The following CAMKMT variants were observed in gnomAD, a reference collection of about 807,000 sequenced individuals.
CAMKMT encodes the protein CaM KMT.
CAMKMT carries 53 observed loss-of-function variants against 48.0 expected under a neutral mutation model. The observed-to-expected ratio is 1.10, with a 90% CI of 0.89 to 1.39. The LOEUF is 1.39. Ranked by LOEUF, CAMKMT falls within the 40% of genes most tolerant of loss-of-function variation. CAMKMT has a pLI of 0.00. For synonymous variants in CAMKMT, 165 were observed against 152.3 expected (o/e 1.08, Z -0.61); for missense variants, 428 against 402.7 (o/e 1.06, Z -0.54).
At chr2:44,546,216 C>A (rs17427776) in intron 3 of CAMKMT, among the ~76,000 whole-genome samples, 1 of 149,134 alleles carries the variant, frequency 6.7e-6, no homozygotes, top group East Asian at 2.0e-4. Context: ...CATGCACATA[C>A]CCCTATACCT....
chr2:44,506,341 G>C (rs1355974385), intron 3 of CAMKMT, among the ~76,000 whole-genome samples: 1 of 152,068 alleles, frequency 6.6e-6, no homozygotes, highest in Non-Finnish European at 1.5e-5. Flanking sequence ...ATTTCTATTG[G>C]AGAATTTTTC....
intron 3 of CAMKMT, among the ~76,000 whole-genome samples, chr2:44,658,473 C>G (rs1234636060): frequency 6.6e-6 from 1 of 152,158 alleles, no homozygotes; most frequent in Non-Finnish European, 1.5e-5. Context: ...CAGTTGCATG[C>G]TGACCCTCTG....
At chr2:44,432,079 C>T (rs1048553756) in intron 3 of CAMKMT, among the ~76,000 whole-genome samples, 2 of 152,134 alleles carry the variant, frequency 1.3e-5, no homozygotes, top group Admixed American at 6.5e-5. Context: ...AACTTCTTGG[C>T]TGGTTTAGTC....
intron 3 of CAMKMT, among the ~76,000 whole-genome samples, chr2:44,437,621 T>C (rs529787045): frequency 1.3e-5 from 2 of 152,190 alleles, no homozygotes; most frequent in South Asian, 2.1e-4. Flanking sequence ...GCTGAGGTGG[T>C]TGGATCATTT....
chr2:44,469,775 T>C (rs1668320596), intron 3 of CAMKMT, among the ~76,000 whole-genome samples: 1 of 152,110 alleles, frequency 6.6e-6, no homozygotes, highest in Non-Finnish European at 1.5e-5. Context: ...TTATTTTGTC[T>C]TTAATTGTAT....
At chr2:44,611,787 CA>C (rs1176007247) in intron 3 of CAMKMT, among the ~76,000 whole-genome samples, 1 of 151,764 alleles carries the variant, frequency 6.6e-6, no homozygotes, top group Non-Finnish European at 1.5e-5. Context: ...AGGAAGCTTC[CA>C]ATCATGGTGG....
intron 3 of CAMKMT, among the ~76,000 whole-genome samples, chr2:44,635,833 G>A (rs1481904302): frequency 2.0e-5 from 3 of 152,108 alleles, no homozygotes; most frequent in Non-Finnish European, 4.4e-5. Context: ...CTAACGAAGT[G>A]ACTTAAAATA....
intron 2 of CAMKMT, among the ~76,000 whole-genome samples, chr2:44,373,296 T>C (rs1033513474): frequency 6.6e-6 from 1 of 152,218 alleles, no homozygotes; most frequent in Non-Finnish European, 1.5e-5. Flanking sequence ...TTATTTATTT[T>C]TTTATTACTT....
At chr2:44,630,935 G>A (rs1457466836) in intron 3 of CAMKMT, among the ~76,000 whole-genome samples, 1 of 151,808 alleles carries the variant, frequency 6.6e-6, no homozygotes, top group African/African-American at 2.4e-5. Context: ...CTGCTATAAA[G>A]ACACATGCAC....
At chr2:44,677,025 T>A (rs678774) in intron 3 of CAMKMT, among the ~76,000 whole-genome samples, 95,114 of 151,448 alleles carry the variant, frequency 0.63, 30,405 homozygotes, top group Middle Eastern at 0.67. Context: ...TATACCTGTC[T>A]GAGGACAGTG....
intron 3 of CAMKMT, among the ~76,000 whole-genome samples, chr2:44,640,999 C>G (rs1483465377): frequency 6.6e-6 from 1 of 152,068 alleles, no homozygotes; most frequent in Non-Finnish European, 1.5e-5. Flanking sequence ...TGAAGTGGTG[C>G]CTCCCTCCTT....
rs143939290 is a variant in CAMKMT, at chr2:44,595,094, G to A, written c.377-109189G>A. On this transcript the variant is annotated intron_variant, in intron 3 of 10. Transcript: ENST00000378494. ...CATTAGAGAAATGCAAATCAAAACC[G>A]CAATGAGATACCATCTCATGCCAGT... Among the ~76,000 whole-genome samples the A allele has an allele frequency of 2.1e-3, 321 of 152,192 alleles. 1 individual carries two copies. The Middle Eastern group carries it at 0.024, about 11-fold the overall frequency.
chr2:44,374,924 G>A (rs567411968), intron 2 of CAMKMT, among the ~76,000 whole-genome samples: 46 of 152,252 alleles, frequency 3.0e-4, no homozygotes, highest in African/African-American at 1.1e-3. Context: ...GAGGCCAGGA[G>A]TTCAAGACTA....
chr2:44,677,341 A>G (rs750140342), intron 3 of CAMKMT, among the ~76,000 whole-genome samples: 4 of 152,176 alleles, frequency 2.6e-5, no homozygotes, highest in African/African-American at 4.8e-5. Context: ...TTGCAAGAAC[A>G]TAGGCAAACT....
intron 2 of CAMKMT, among the ~76,000 whole-genome samples, chr2:44,373,308 C>G (rs1679362419): frequency 6.6e-6 from 1 of 151,972 alleles, no homozygotes; most frequent in Non-Finnish European, 1.5e-5. Context: ...TTATTACTTT[C>G]AGAATAGAAT....
intron 6 of CAMKMT, among the ~76,000 whole-genome samples, chr2:44,709,402 TC>T (rs1677747643): frequency 6.6e-6 from 1 of 152,168 alleles, no homozygotes. Context: ...CTGATGGAGT[TC>T]CGTTTTTACC....
chr2:44,417,060 G>C (rs1290328209), intron 3 of CAMKMT, among the ~76,000 whole-genome samples: 3 of 151,882 alleles, frequency 2.0e-5, no homozygotes, highest in Admixed American at 2.0e-4. Context: ...TAGCCTCCTG[G>C]GTTGCTGGGA....
intron 3 of CAMKMT, among the ~76,000 whole-genome samples, chr2:44,425,032 ATCC>A (rs2104520196): frequency 6.6e-6 from 1 of 152,368 alleles, no homozygotes; most frequent in South Asian, 2.1e-4. Context: ...TAGATTTCAT[ATCC>A]TCCTGTAATA....
chr2:44,670,760 A>T (rs962509845), intron 3 of CAMKMT, among the ~76,000 whole-genome samples: 1 of 152,178 alleles, frequency 6.6e-6, no homozygotes, highest in African/African-American at 2.4e-5. Flanking sequence ...GAGCCTTAAA[A>T]TTTGCATTTC....
Sources: allele counts gnomAD v4.1 joint callset (sites outside exome capture counted in the v4.1 genomes callset), GRCh38; gene constraint gnomAD v4.1.1; transcripts MANE v1.5; gene names NCBI Gene and HGNC (gene_info 2026-07-23, HGNC 2026-07-21).